The following TEX264 variants were observed in gnomAD, a reference collection of about 807,000 sequenced individuals.
TEX264 encodes the protein testis-expressed protein 264.
A neutral mutation model predicts 23.4 loss-of-function variants in TEX264; 13 were observed. The observed-to-expected ratio is 0.56, with a 90% confidence interval of 0.36 to 0.88. The LOEUF is 0.88. TEX264 is among the 40% of genes least tolerant of loss of function. The pLI is 0.01. For missense variants in TEX264, 340 were observed against 406.8 expected (o/e 0.84, Z 1.41); for synonymous variants, 159 against 170.0 (o/e 0.94, Z 0.50).
chr3:51,673,288 T>TC (rs943240334), intron 1 of TEX264, among the ~76,000 whole-genome samples: 27 of 152,022 alleles, frequency 1.8e-4, no homozygotes, highest in African/African-American at 2.4e-4. Flanking sequence ...CTGTGATTTT[T>TC]CCCCCCCGCC....
intron 3 of TEX264, among the ~76,000 whole-genome samples, chr3:51,695,415 T>C (rs1172998747): frequency 1.3e-5 from 2 of 152,210 alleles, no homozygotes; most frequent in Non-Finnish European, 2.9e-5. Context: ...ATCATCAGCC[T>C]TCGTCCTGGG....
chr3:51,674,614 G>C, intron 2 of TEX264, 52 bp downstream of exon 2: 1 of 1,592,928 alleles, frequency 6.3e-7, no homozygotes, highest in Non-Finnish European at 8.6e-7. Context: ...GTGGGCCAGG[G>C]CTTCTTTGGG....
intron 3 of TEX264, among the ~76,000 whole-genome samples, chr3:51,697,178 G>A (rs1192235361): frequency 6.6e-6 from 1 of 152,252 alleles, no homozygotes; most frequent in Non-Finnish European, 1.5e-5. Context: ...GCTCTCCGGA[G>A]GAAGCAGATG....
Position 51,686,096 on chromosome 3 carries a change from G to C in TEX264, c.480+1462G>C, listed in dbSNP as rs1466064399. ...AGCTGCCTGAGATACATCTAAGTTG[G>C]GGGGTGTGGAGTCAGCAATGGTATG... On this transcript the variant is annotated intron_variant, in intron 3 of 4. Coordinates refer to ENST00000341333, the MANE Select transcript of TEX264 (RefSeq NM_015926.6). The surrounding 1 kb of genome is among the most constrained non-coding windows in gnomAD (Gnocchi z 4.1). Among the ~76,000 whole-genome samples, 1 of 152,196 alleles carries C rather than the reference G, an allele frequency of 6.6e-6. No homozygotes were observed. The highest frequency in any genetic ancestry group is 2.4e-5 in the African/African-American group (1 of 41,448).
chr3:51,684,765 G>T, intron 3 of TEX264, 131 bp downstream of exon 3: 1 of 814,936 alleles, frequency 1.2e-6, no homozygotes, highest in East Asian at 2.7e-5. Flanking sequence ...CATGGAACAG[G>T]TACCTGTGGA....
chr3:51,699,621 C>A (rs752745756), intron 4 of TEX264, 47 bp downstream of exon 4: 2 of 1,597,408 alleles, frequency 1.3e-6, no homozygotes, highest in South Asian at 1.1e-5. Context: ...GAGCTCCTCT[C>A]TTCTGGACTC....
In TEX264 at chr3:51,703,087, T is replaced by C. The variant is rs139193626; in HGVS notation, c.650-637T>C. On this transcript the variant is annotated intron_variant, in intron 4 of 4. Transcript: ENST00000341333. The surrounding 1 kb of genome is among the most constrained non-coding windows in gnomAD (Gnocchi z 4.8). ...ATCCCAGCACCCTCCTCCTTGCAGC[T>C]GGTTGAGTATTTCTCAGGCCTTCTC... is the stretch of plus-strand genomic sequence containing the variant. 6.6e-3 allele frequency among the ~76,000 whole-genome samples: 1,006 copies of C among 152,280 alleles called. 7 individuals are homozygous for C. The highest frequency in any genetic ancestry group is 0.011 in the Non-Finnish European group (733 of 68,006).
chr3:51,694,241 C>T (rs1194253501), intron 3 of TEX264, among the ~76,000 whole-genome samples: 1 of 152,074 alleles, frequency 6.6e-6, no homozygotes, highest in African/African-American at 2.4e-5. Flanking sequence ...AGCAATTCTC[C>T]TGCCTCAGCC....
chr3:51,683,410 G>A (rs549134413), intron 2 of TEX264: 20 of 152,284 alleles, frequency 1.3e-4, no homozygotes, highest in African/African-American at 4.6e-4. Context: ...TCAGTCCTAG[G>A]AAGTGTTGGA....
chr3:51,695,140 T>A (rs1252767945), intron 3 of TEX264, among the ~76,000 whole-genome samples: 1 of 152,154 alleles, frequency 6.6e-6, no homozygotes, highest in Non-Finnish European at 1.5e-5. Flanking sequence ...CTACCTCGGG[T>A]GGGATGCAAC....
intron 3 of TEX264, among the ~76,000 whole-genome samples, chr3:51,697,023 G>T (rs377490499): frequency 2.6e-5 from 4 of 152,204 alleles, no homozygotes; most frequent in Non-Finnish European, 4.4e-5. Flanking sequence ...GGGCTGTGTC[G>T]CAGGGCCACA....
chr3:51,677,549 G>A (rs1159120033), intron 2 of TEX264, among the ~76,000 whole-genome samples: 2 of 152,142 alleles, frequency 1.3e-5, no homozygotes, highest in Admixed American at 1.3e-4. Context: ...CTCTGTGAGT[G>A]GGGTGGTGAG....
At chr3:51,694,639 G>A (rs1279047059) in intron 3 of TEX264, 1 of 152,310 alleles carries the variant, frequency 6.6e-6, no homozygotes, top group Non-Finnish European at 1.5e-5. Flanking sequence ...GATTTGTGTA[G>A]CCAAGCCAAT....
intron 4 of TEX264, among the ~76,000 whole-genome samples, chr3:51,700,885 C>T (rs971126569): frequency 6.6e-6 from 1 of 152,116 alleles, no homozygotes; most frequent in African/African-American, 2.4e-5. Context: ...TGTCCTGACA[C>T]CCCAGCGGGA....
Position 51,703,648 on chromosome 3 carries a change from C to T in TEX264, c.650-76C>T, listed in dbSNP as rs749482790. The T allele has an allele frequency of 1.2e-5, 17 of 1,456,762 alleles. No individual in the cohort carries two copies. Among genetic ancestry groups the T allele is most frequent in the Non-Finnish European group, 1.5e-5 (16 of 1,075,184 alleles). 90.2% of individuals were successfully genotyped at this position (1,456,762 alleles called of 1,614,324 possible). A position where few individuals can be genotyped will look rare whatever the true frequency, so the allele number is the denominator to read the frequency against. Reference sequence around the variant, plus strand: ...GGCTGCATTATTCATGAGTGCACTGCGTGCTGAGTTGCCTCTCCCTGGAGG... The same window carrying T: ...GGCTGCATTATTCATGAGTGCACTGTGTGCTGAGTTGCCTCTCCCTGGAGG... On this transcript the variant is annotated intron_variant, in intron 4 of 4. Transcript: ENST00000341333. The surrounding 1 kb of genome is among the most constrained non-coding windows in gnomAD (Gnocchi z 4.8).
At chr3:51,694,109 T>G (rs1305874202) in intron 3 of TEX264, among the ~76,000 whole-genome samples, 3 of 145,158 alleles carry the variant, frequency 2.1e-5, no homozygotes, top group Non-Finnish European at 4.5e-5. Flanking sequence ...CCTTCCTTCC[T>G]TCCTTCCTTC....
chr3:51,695,071 A>C (rs1229328030), intron 3 of TEX264, among the ~76,000 whole-genome samples: 1 of 152,214 alleles, frequency 6.6e-6, no homozygotes, highest in Non-Finnish European at 1.5e-5. Flanking sequence ...AGGCAGGTGC[A>C]TGTTGGTGTC....
chr3:51,674,695 G>C, intron 2 of TEX264, 133 bp downstream of exon 2: 1 of 1,076,840 alleles, frequency 9.3e-7, no homozygotes, highest in South Asian at 1.6e-5. Flanking sequence ...CCTCCTCTAT[G>C]AGCTTGAAGC....
At chr3:51,689,907 C>T (rs1702767636) in intron 3 of TEX264, among the ~76,000 whole-genome samples, 3 of 152,072 alleles carry the variant, frequency 2.0e-5, no homozygotes, top group African/African-American at 7.2e-5. Flanking sequence ...CTGGAGGGAC[C>T]CTGGGGAGCT....
Sources: allele counts gnomAD v4.1 joint callset (sites outside exome capture counted in the v4.1 genomes callset), GRCh38; gene constraint gnomAD v4.1.1; non-coding constraint Gnocchi (gnomAD v3.1); transcripts MANE v1.5; gene names NCBI Gene and HGNC (gene_info 2026-07-23, HGNC 2026-07-21).